ZNF829: variants seen among roughly 807,000 people sequenced by gnomAD.
The protein encoded by ZNF829 is zinc finger protein 829.
ZNF829 carries 25 observed loss-of-function variants against 35.2 expected under a neutral mutation model. The observed-to-expected ratio is 0.71, with a 90% CI of 0.52 to 0.99. ZNF829 has a LOEUF of 0.99. Ranked by LOEUF, ZNF829 falls within the 50% of genes least tolerant of loss-of-function variation. ZNF829 has a pLI of 0.00. For synonymous variants in ZNF829, 136 were observed against 163.2 expected, an observed-to-expected ratio of 0.83 and a Z score of 1.27; for missense variants, 417 against 515.3, an observed-to-expected ratio of 0.81 and a Z score of 1.85.
intron 5 of ZNF829, chr19:36,901,830 A>C (rs2073168465): frequency 1.4e-6 from 1 of 720,470 alleles, no homozygotes; most frequent in African/African-American, 1.7e-5. Flanking sequence ...ATCAGTATGC[A>C]CAAGCGCATC....
chr19:36,914,168 T>C (rs2073286154), intron 3 of ZNF829, among the ~76,000 whole-genome samples: 1 of 152,142 alleles, frequency 6.6e-6, no homozygotes, highest in Admixed American at 6.6e-5. Context: ...CTGCATGACC[T>C]TGGGACAGGG....
At chr19:36,911,618 A>G (rs981747421) in intron 3 of ZNF829, among the ~76,000 whole-genome samples, 1 of 152,178 alleles carries the variant, frequency 6.6e-6, no homozygotes, top group Non-Finnish European at 1.5e-5. Flanking sequence ...AAGGACACAC[A>G]TTCCCAATTG....
At chr19:36,893,439 C>A (rs2146226649) in intron 5 of ZNF829, among the ~76,000 whole-genome samples, 1 of 152,252 alleles carries the variant, frequency 6.6e-6, no homozygotes, top group Admixed American at 6.5e-5. Context: ...AATGGAACTC[C>A]ATGTCAACAT....
At chr19:36,892,908 G>T in intron 5 of ZNF829, 2 of 1,137,074 alleles carry the variant, frequency 1.8e-6, no homozygotes, top group African/African-American at 1.6e-5. Context: ...AGCATGCCCA[G>T]GCAGGGGTTA....
At chr19:36,898,948 T>A (rs192663990) in intron 5 of ZNF829, among the ~76,000 whole-genome samples, 7 of 152,262 alleles carry the variant, frequency 4.6e-5, no homozygotes, top group Non-Finnish European at 8.8e-5. Context: ...GGCAAATATA[T>A]TTTAGATAAG....
chr19:36,898,569 G>A (rs151049465), intron 5 of ZNF829, among the ~76,000 whole-genome samples: 3,637 of 152,150 alleles, frequency 0.024, 74 homozygotes, highest in Admixed American at 0.064. Flanking sequence ...AATCTGTAGC[G>A]AAAGAACAAA....
At chr19:36,907,087 C>CAAAAA (rs1158970593) in intron 5 of ZNF829, 17 of 23,708 alleles carry the variant, frequency 7.2e-4, no homozygotes, top group African/African-American at 8.5e-4. Flanking sequence ...GACTCCATCT[C>CAAAAA]AAAAAAAAAA....
In ZNF829 at chr19:36,916,085, C is replaced by A; in HGVS notation, c.-159G>T. 1 of 715,996 alleles carries A rather than the reference C, an allele frequency of 1.4e-6. No homozygotes were observed. Among genetic ancestry groups the A allele is most frequent in the Non-Finnish European group, 2.2e-6 (1 of 448,390 alleles). The allele number at this position is 715,996 out of a possible 1,614,324, so 44.4% of individuals were successfully genotyped here. ...GCGAGAAAAGTGGCAGGCCACCAGG[C>A]CCTCTGGGAAATGTAGTCCAGAGCG... On this transcript the variant is annotated 5_prime_UTR_variant, in exon 1 of 6. Transcript: ENST00000391711. The surrounding 1 kb of genome is among the most constrained non-coding windows in gnomAD (Gnocchi z 5.3).
At chr19:36,895,801 T>A (rs1245180447) in intron 5 of ZNF829, among the ~76,000 whole-genome samples, 1 of 152,206 alleles carries the variant, frequency 6.6e-6, no homozygotes, top group Non-Finnish European at 1.5e-5. Context: ...AGCCAGAGGA[T>A]ATAAAGTTCT....
Position 36,907,475 on chromosome 19 carries a change from G to A in ZNF829, c.319+454C>T, listed in dbSNP as rs142910693. 478 of 162,808 alleles carry A rather than the reference G, an allele frequency of 2.9e-3. 2 individuals carry two copies. Among genetic ancestry groups the A allele is most frequent in the African/African-American group, 0.011 (454 of 41,566 alleles). 10.1% of individuals were successfully genotyped at this position (162,808 alleles called of 1,614,324 possible). On this transcript the variant is annotated intron_variant, in intron 5 of 5. Coordinates refer to ENST00000391711, the MANE Select transcript of ZNF829 (RefSeq NM_001037232.4). ...CATACTATGCAATCATAGTCATGCAGTTTTATGTGTGTATGTTATACTTCA... is the reference window on the plus strand; with the variant it reads ...CATACTATGCAATCATAGTCATGCAATTTTATGTGTGTATGTTATACTTCA...
intron 5 of ZNF829, chr19:36,901,989 G>T: frequency 1.4e-6 from 1 of 727,346 alleles, no homozygotes; most frequent in South Asian, 1.4e-5. Flanking sequence ...GTCCCATAAC[G>T]AATCCATGTG....
In ZNF829 at chr19:36,897,164, C is replaced by CA. The variant is rs542546564; in HGVS notation, c.320-4694dup. On this transcript the variant is annotated intron_variant, in intron 5 of 5. Coordinates refer to ENST00000391711, the MANE Select transcript of ZNF829 (RefSeq NM_001037232.4). The stretch of plus-strand genomic sequence containing the variant: ...AACCTCAGTTTTTCTCAAACTATTC[C>CA]AAAAAATGGAAGAGAAGTTAATTCT... Among the ~76,000 whole-genome samples, 386 of 152,176 alleles carry CA rather than the reference C, an allele frequency of 2.5e-3. 1 individual carries two copies. The highest frequency in any genetic ancestry group is 8.8e-3 in the African/African-American group (367 of 41,530).
At chr19:36,904,602 G>A (rs894504684) in intron 5 of ZNF829, among the ~76,000 whole-genome samples, 1 of 152,092 alleles carries the variant, frequency 6.6e-6, no homozygotes, top group African/African-American at 2.4e-5. Flanking sequence ...GTTTTGCCAT[G>A]TTGGCCAGGC....
intron 3 of ZNF829, among the ~76,000 whole-genome samples, chr19:36,910,559 A>C (rs949539111): frequency 2.6e-5 from 4 of 152,248 alleles, no homozygotes; most frequent in African/African-American, 9.6e-5. Flanking sequence ...AGAAATTTCC[A>C]CAATATAAAT....
Position 36,890,945 on chromosome 19 carries a change from A to G in ZNF829, c.*547T>C, listed in dbSNP as rs2146221547. On this transcript the variant is annotated 3_prime_UTR_variant, in exon 6 of 6. Transcript: ENST00000391711. ...TTAGACAAAATCATTCTAACAGGGT[A>G]TTATGGGTTGAACTGTATCCCCTAA... The G allele has an allele frequency of 6.6e-6, 1 of 152,520 alleles. No individual in the cohort carries two copies. The highest frequency in any genetic ancestry group is 2.4e-5 in the African/African-American group (1 of 41,588). 9.4% of individuals were successfully genotyped at this position (152,520 alleles called of 1,614,324 possible).
intron 3 of ZNF829, among the ~76,000 whole-genome samples, chr19:36,914,229 T>A (rs2073286747): frequency 6.6e-6 from 1 of 152,148 alleles, no homozygotes; most frequent in Admixed American, 6.6e-5. Context: ...AGAAAAAATA[T>A]TGATAAACTC....
intron 5 of ZNF829, among the ~76,000 whole-genome samples, chr19:36,903,633 G>T (rs2073190427): frequency 6.6e-6 from 1 of 152,160 alleles, no homozygotes; most frequent in Non-Finnish European, 1.5e-5. Context: ...GCTCAGACCT[G>T]TAATCCCAGC....
At chr19:36,895,374 A>G (rs1172230522) in intron 5 of ZNF829, among the ~76,000 whole-genome samples, 1 of 152,212 alleles carries the variant, frequency 6.6e-6, no homozygotes, top group Non-Finnish European at 1.5e-5. Context: ...GCTCACTGGT[A>G]GAGCAGATAC....
At chr19:36,903,469 G>A (rs1208091352) in intron 5 of ZNF829, among the ~76,000 whole-genome samples, 1 of 152,158 alleles carries the variant, frequency 6.6e-6, no homozygotes, top group African/African-American at 2.4e-5. Context: ...CATGTCAGGA[G>A]TCTGTTAAAA....
Sources: allele counts gnomAD v4.1 joint callset (sites outside exome capture counted in the v4.1 genomes callset), GRCh38; gene constraint gnomAD v4.1.1; non-coding constraint Gnocchi (gnomAD v3.1); transcripts MANE v1.5; gene names NCBI Gene and HGNC (gene_info 2026-07-23, HGNC 2026-07-21).